DDX54: variants seen among roughly 807,000 people sequenced by gnomAD.
DDX54 encodes the protein ATP-dependent RNA helicase DDX54.
In DDX54, 67 loss-of-function variants were observed where a neutral mutation model predicts 105.5. The ratio of observed to expected loss-of-function variants is 0.64; its 90% CI spans 0.52 to 0.78. The LOEUF (loss-of-function observed/expected upper bound fraction) is 0.78, where lower values mean the gene tolerates loss of function less well. Among genes scored for constraint, DDX54 ranks in the 30% least tolerant of loss-of-function variants. The probability of loss-of-function intolerance (pLI) is 0.00; values close to 1 mark genes in which losing one functional copy is unlikely to be tolerated. For missense variants in DDX54, 1,206 were observed against 1,230.5 expected (o/e 0.98, Z 0.30); for synonymous variants, 514 against 509.9 (o/e 1.01, Z -0.11).
intron 7 of DDX54, among the ~76,000 whole-genome samples, chr12:113,175,596 G>A (rs78806295): frequency 0.1 from 15,265 of 152,192 alleles, 803 homozygotes; most frequent in Non-Finnish European, 0.11. Context: ...AGACCATCCT[G>A]GCTAACACAG....
intron 12 of DDX54, among the ~76,000 whole-genome samples, chr12:113,169,480 G>T (rs1416793963): frequency 6.6e-6 from 1 of 151,938 alleles, no homozygotes; most frequent in Non-Finnish European, 1.5e-5. Flanking sequence ...AATTTGCCAG[G>T]CGTGGTGGCG....
Position 113,179,921 on chromosome 12 carries a change from G to T in DDX54, c.375+14C>A. 2 of 1,613,986 alleles carry T rather than the reference G, an allele frequency of 1.2e-6. No individual in the cohort carries two copies. Among genetic ancestry groups the T allele is most frequent in the South Asian group, 1.1e-5 (1 of 91,072 alleles). On this transcript the variant is annotated intron_variant, in intron 3 of 19. Transcript: ENST00000306014. ...CCTCCCTCGCCCTCACCCGTCGACCGCCCCACCCCTCACCTTCCTCTGGAT... is the reference window on the plus strand; with the variant it reads ...CCTCCCTCGCCCTCACCCGTCGACCTCCCCACCCCTCACCTTCCTCTGGAT...
chr12:113,180,946 C>T lies in DDX54; in HGVS notation c.287G>A (p.Gly96Glu), dbSNP rs1952458710. The change falls in exon 2 of 20, where the codon GGA (glycine) becomes GAA (glutamate). Residue 96 changes from glycine to glutamate, a missense_variant. Transcript: ENST00000306014. ...GCACCCACCCATGGACTGGAAGCCT[C>T]CAGACTTCTTCTTCTTCTTGTTCTG... ...RAQNKKKKKS[G>E]GFQSMGLSYP... is the part of the protein sequence containing the mutation. 4 of 1,613,140 alleles carry T rather than the reference C, an allele frequency of 2.5e-6. No individual in the cohort carries two copies. Among genetic ancestry groups the T allele is most frequent in the African/African-American group, 1.3e-5 (1 of 74,684 alleles).
At chr12:113,179,457 A>G (rs942472533) in intron 3 of DDX54, 126 bp from the exon 4 acceptor site, 5 of 1,059,542 alleles carry the variant, frequency 4.7e-6, no homozygotes, top group African/African-American at 1.6e-5. Context: ...CCCGTCACCC[A>G]GCCCTGAGCC....
At chr12:113,176,589 A>C (rs888738264) in intron 7 of DDX54, among the ~76,000 whole-genome samples, 6 of 152,158 alleles carry the variant, frequency 3.9e-5, no homozygotes, top group African/African-American at 1.2e-4. Flanking sequence ...ATAAATAAAT[A>C]AATCCCATGT....
chr12:113,166,110 C>T (rs1952272783), intron 12 of DDX54, 78 bp from the exon 13 acceptor site: 3 of 1,404,234 alleles, frequency 2.1e-6, no homozygotes, highest in East Asian at 2.3e-5. Flanking sequence ...ACTCTTGGGC[C>T]TCACCCTGGC....
At chr12:113,179,766 T>TCGGCC (rs1214301197) in intron 3 of DDX54, among the ~76,000 whole-genome samples, 169 bp downstream of exon 3, 1 of 152,172 alleles carries the variant, frequency 6.6e-6, no homozygotes, top group African/African-American at 2.4e-5. Context: ...TCTGCTCGGC[T>TCGGCC]CGGCCCAACC....
rs748623391 is a variant in DDX54 at position 113,161,284 on chromosome 12, C to T, written c.2399G>A (p.Arg800Gln). 2.5e-6 allele frequency: 4 copies of T among 1,612,320 alleles called. No homozygotes were observed. The Admixed American group carries it at 5.0e-5, about 20-fold the overall frequency. ...RRGPERRGGK[R>Q]DRGQGASRPH... ...CTGGCTCTCACCTTGGCCACGGTCT[C>T]GCTTCCCACCTCTTCGCTCTGGGCC... Residue 800 changes from arginine (R) to glutamine (Q), a missense_variant, in exon 19 of 20, where the codon CGA becomes CAA. Transcript: ENST00000306014.
chr12:113,185,243 G>T, intron 1 of DDX54, 35 bp downstream of exon 1: 5 of 1,462,276 alleles, frequency 3.4e-6, no homozygotes, highest in Non-Finnish European at 4.5e-6. Flanking sequence ...GCCGGGTCTC[G>T]GGCCCGAACA....
intron 1 of DDX54, 30 bp downstream of exon 1, chr12:113,185,248 C>G (rs1019957309): frequency 6.8e-7 from 1 of 1,478,728 alleles, no homozygotes; most frequent in Non-Finnish European, 8.9e-7. Flanking sequence ...GTCTCGGGCC[C>G]GAACATGCGT....
In DDX54 at chr12:113,158,901, C is replaced by G. The variant is rs771002131; in HGVS notation, c.2622G>C (p.Lys874Asn). 6.2e-7 allele frequency: 1 copy of G among 1,606,282 alleles called. No individual in the cohort carries two copies. The highest frequency in any genetic ancestry group is 1.7e-5 in the Admixed American group (1 of 59,690). Residue 874 changes from lysine to asparagine, a missense_variant, in exon 20 of 20, where the codon AAG becomes AAC. Transcript: ENST00000306014. The surrounding 1 kb of genome is among the most constrained non-coding windows in gnomAD (Gnocchi z 4.9). ...GAFGRGARSK[K>N]GKMRKRM is the part of the protein sequence containing the mutation. ...CTCACATCCTCTTCCGCATCTTGCC[C>G]TTCTTGGAGCGGGCACCCCGGCCGA...
chr12:113,158,923 CCGAAGGCGCCCTGCTGCAGCTCCTGGACG>C lies in DDX54; in HGVS notation c.2571_2599del (p.Val858ProfsTer100), dbSNP rs1381489086. 1 of 1,609,070 alleles carries C rather than the reference CCGAAGGCGCCCTGCTGCAGCTCCTGGACG, an allele frequency of 6.2e-7. No homozygotes were observed. The highest frequency in any genetic ancestry group is 1.7e-5 in the Admixed American group (1 of 59,840). On this transcript the variant is annotated frameshift_variant, in exon 20 of 20. Coordinates refer to ENST00000306014, the MANE Select transcript of DDX54 (RefSeq NM_024072.4). LOFTEE classifies it high-confidence loss of function. This position sits in a 1 kb window ranked among gnomAD's most constrained non-coding sequence, Gnocchi z 4.9. ...GCCCTTCTTGGAGCGGGCACCCCGG[CCGAAGGCGCCCTGCTGCAGCTCCTGGACG>C]CGGCGGCGGTTGCGGGCAGAGAGCT...
Position 113,163,703 on chromosome 12 carries a change from A to C in DDX54, c.1938+364T>G, listed in dbSNP as rs535590056. On this transcript the variant is annotated intron_variant, in intron 15 of 19. Transcript: ENST00000306014. The surrounding 1 kb of genome is among the most constrained non-coding windows in gnomAD (Gnocchi z 5.9). ...TCCAAACAAAACATGAGAGAGGGAC[A>C]TCCTGGGGGACGCACAGGCCCAGGA... is the stretch of plus-strand genomic sequence containing the variant. 5.3e-5 allele frequency among the ~76,000 whole-genome samples: 8 copies of C among 152,130 alleles called. No individual in the cohort carries two copies. Among genetic ancestry groups the C allele is most frequent in the Admixed American group, 5.2e-4 (8 of 15,280 alleles).
chr12:113,180,829 C>A, intron 2 of DDX54, 100 bp downstream of exon 2: 1 of 1,566,922 alleles, frequency 6.4e-7, no homozygotes, highest in South Asian at 1.2e-5. Flanking sequence ...TACCCAACCA[C>A]AGTGCTGGGC....
intron 2 of DDX54, among the ~76,000 whole-genome samples, chr12:113,180,696 T>C (rs917065416): frequency 8.5e-5 from 13 of 152,222 alleles, no homozygotes; most frequent in Admixed American, 8.5e-4. Flanking sequence ...CGACTGTCTT[T>C]GCCTGTTCCT....
In DDX54 at chr12:113,161,325, C is replaced by T; in HGVS notation, c.2358G>A (p.Gly786=). ...KIDDRDSDEE[G]ASDRRGPERR... Reference sequence around the variant, plus strand: ...GCTCTGGGCCTCGCCGGTCAGATGCCCCTTCTTCGTCCGAGTCACGATCAT... The same window carrying T: ...GCTCTGGGCCTCGCCGGTCAGATGCTCCTTCTTCGTCCGAGTCACGATCAT... Residue 786 remains glycine, a synonymous_variant, in exon 19 of 20, where the codon GGG becomes GGA. Transcript: ENST00000306014. The T allele has an allele frequency of 6.2e-7, 1 of 1,613,674 alleles. No individual in the cohort carries two copies. Among genetic ancestry groups the T allele is most frequent in the Non-Finnish European group, 8.5e-7 (1 of 1,179,764 alleles).
chr12:113,185,377 C>T lies in DDX54; in HGVS notation c.75G>A (p.Gly25=), dbSNP rs1165802243. 5 of 1,569,794 alleles carry T rather than the reference C, an allele frequency of 3.2e-6. No individual in the cohort carries two copies. The highest frequency in any genetic ancestry group is 3.4e-6 in the Non-Finnish European group (4 of 1,160,682). ...AGGCCGCGCCTCGGCGCTTCCGGAGCCCTTTCTTCTTCCTCCACTGGGCCA... is the reference window on the plus strand; with the variant it reads ...AGGCCGCGCCTCGGCGCTTCCGGAGTCCTTTCTTCTTCCTCCACTGGGCCA... ...AAMAQWRKKK[G]LRKRRGAASQ... is the part of the protein sequence containing the mutation. The change falls in exon 1 of 20, where the codon GGG becomes GGA. Residue 25 remains glycine, a synonymous_variant. Transcript: ENST00000306014.
intron 1 of DDX54, among the ~76,000 whole-genome samples, chr12:113,181,766 C>T (rs887665748): frequency 6.6e-6 from 1 of 152,094 alleles, no homozygotes; most frequent in Non-Finnish European, 1.5e-5. Context: ...TTCTGCTCAC[C>T]CAGGACCCAC....
At position 113,157,921 on chromosome 12, in the gene DDX54, G is replaced by A. The variant is rs958081311; in HGVS notation, c.*956C>T. 12 of 559,630 alleles carry A rather than the reference G, an allele frequency of 2.1e-5. No individual in the cohort carries two copies. The highest frequency in any genetic ancestry group is 3.5e-5 in the Non-Finnish European group (11 of 312,170). 34.7% of individuals were successfully genotyped at this position (559,630 alleles called of 1,614,324 possible). ...GGAAGGTCAAGGGGCTATGTGTGGGGCAACTGCCTCTAAAATGAGATCAGA... is the reference window on the plus strand; with the variant it reads ...GGAAGGTCAAGGGGCTATGTGTGGGACAACTGCCTCTAAAATGAGATCAGA... On this transcript the variant is annotated 3_prime_UTR_variant, in exon 20 of 20. Coordinates refer to ENST00000306014, the MANE Select transcript of DDX54 (RefSeq NM_024072.4).
Sources: gnomAD v4.1 joint callset for allele counts (sites outside exome capture counted in the v4.1 genomes callset) on GRCh38, gnomAD v4.1.1 for gene constraint, Gnocchi (gnomAD v3.1) non-coding constraint, MANE v1.5 for transcripts, NCBI Gene and HGNC (gene_info 2026-07-23, HGNC 2026-07-21) for gene names.